The following CHCHD3 variants were observed in gnomAD, a reference collection of about 807,000 sequenced individuals.
The protein encoded by CHCHD3 is coiled-coil-helix-coiled-coil-helix domain containing 3, also known as MICOS complex subunit MIC19.
CHCHD3 carries 20 observed loss-of-function variants against 38.2 expected under a neutral mutation model. The observed-to-expected ratio is 0.52, with a 90% confidence interval of 0.37 to 0.76. The LOEUF is 0.76. CHCHD3 is among the 30% of genes least tolerant of loss of function. The pLI is 0.00. For missense variants in CHCHD3, 245 were observed against 279.2 expected (o/e 0.88, Z 0.87); for synonymous variants, 82 against 100.0 (o/e 0.82, Z 1.07).
chr7:133,049,392 A>C (rs1251314084), intron 2 of CHCHD3, among the ~76,000 whole-genome samples: 1 of 152,260 alleles, frequency 6.6e-6, no homozygotes, highest in African/African-American at 2.4e-5. Flanking sequence ...TGATGCACAT[A>C]TTTTTAGACA....
chr7:132,986,616 AGAT>A (rs768101741), intron 3 of CHCHD3, among the ~76,000 whole-genome samples: 1 of 152,194 alleles, frequency 6.6e-6, no homozygotes, highest in Non-Finnish European at 1.5e-5. Context: ...AAAAATGTCA[AGAT>A]AATAGGAGAA....
intron 2 of CHCHD3, chr7:133,034,904 G>T: frequency 6.2e-7 from 1 of 1,609,260 alleles, no homozygotes; most frequent in Non-Finnish European, 8.5e-7. Context: ...TGATGAGATT[G>T]CAGCTCATGA....
chr7:132,983,487 C>A (rs182331169), intron 3 of CHCHD3, among the ~76,000 whole-genome samples: 1 of 152,164 alleles, frequency 6.6e-6, no homozygotes, highest in Non-Finnish European at 1.5e-5. Flanking sequence ...CAGTAGGCAC[C>A]TCCTGTTGCT....
intron 6 of CHCHD3, among the ~76,000 whole-genome samples, chr7:132,819,875 C>A (rs1017999037): frequency 6.6e-6 from 1 of 152,142 alleles, no homozygotes; most frequent in African/African-American, 2.4e-5. Flanking sequence ...AGCGTGAGTG[C>A]GGAAGGCCTT....
chr7:132,968,028 C>G (rs1046341725), intron 4 of CHCHD3, among the ~76,000 whole-genome samples: 1 of 152,210 alleles, frequency 6.6e-6, no homozygotes, highest in African/African-American at 2.4e-5. Context: ...AAACACGTTT[C>G]TCCTTTTTCA....
At chr7:133,076,561 T>A (rs28695545) in intron 1 of CHCHD3, among the ~76,000 whole-genome samples, 82,086 of 152,042 alleles carry the variant, frequency 0.54, 23,034 homozygotes, top group South Asian at 0.64. Flanking sequence ...AAATTTGTGG[T>A]ACTCACCACA....
At chr7:132,993,751 G>A (rs1399824108) in intron 3 of CHCHD3, among the ~76,000 whole-genome samples, 1 of 152,160 alleles carries the variant, frequency 6.6e-6, no homozygotes, top group East Asian at 1.9e-4. Context: ...CCAGTTGACA[G>A]GGACATGAAA....
At chr7:132,875,618 T>C (rs1035877208) in intron 5 of CHCHD3, among the ~76,000 whole-genome samples, 3 of 152,216 alleles carry the variant, frequency 2.0e-5, no homozygotes, top group African/African-American at 7.2e-5. Flanking sequence ...CGCCACTGTG[T>C]CAACTGAAAG....
intron 6 of CHCHD3, among the ~76,000 whole-genome samples, chr7:132,805,460 G>A (rs1226180599): frequency 6.6e-6 from 1 of 152,086 alleles, no homozygotes; most frequent in Non-Finnish European, 1.5e-5. Context: ...GCTCAATCGA[G>A]TCTGGCATAT....
chr7:132,803,472 C>A (rs2117039585), intron 6 of CHCHD3, among the ~76,000 whole-genome samples: 1 of 152,204 alleles, frequency 6.6e-6, no homozygotes, highest in Non-Finnish European at 1.5e-5. Flanking sequence ...ATGCATCAAT[C>A]ATAGATTTTT....
chr7:132,961,610 A>C (rs1200270898), intron 4 of CHCHD3, among the ~76,000 whole-genome samples: 1 of 152,250 alleles, frequency 6.6e-6, no homozygotes, highest in African/African-American at 2.4e-5. Flanking sequence ...CACACAATGC[A>C]TGCGTGCGGT....
chr7:132,977,086 A>G (rs1349144163), intron 3 of CHCHD3, among the ~76,000 whole-genome samples: 2 of 152,252 alleles, frequency 1.3e-5, no homozygotes, highest in African/African-American at 4.8e-5. Flanking sequence ...ACCATACAAT[A>G]AATTCAGCAA....
intron 2 of CHCHD3, 78 bp downstream of exon 2, chr7:133,070,064 G>A: frequency 2.0e-6 from 2 of 989,498 alleles, no homozygotes; most frequent in Non-Finnish European, 3.1e-6. Flanking sequence ...CAGAATGCTA[G>A]AGAACTTGAC....
At chr7:133,034,832 A>C in intron 2 of CHCHD3, 1 of 1,611,020 alleles carries the variant, frequency 6.2e-7, no homozygotes, top group Non-Finnish European at 8.5e-7. Context: ...TGTTGGTTCC[A>C]AAAAGGATGA....
At chr7:132,906,006 C>T (rs1809796178) in intron 4 of CHCHD3, among the ~76,000 whole-genome samples, 1 of 152,178 alleles carries the variant, frequency 6.6e-6, no homozygotes, top group Non-Finnish European at 1.5e-5. Flanking sequence ...ATCCTTTACA[C>T]ATTTACAATA....
At chr7:133,027,690 T>G (rs915625109) in intron 2 of CHCHD3, among the ~76,000 whole-genome samples, 1 of 152,144 alleles carries the variant, frequency 6.6e-6, no homozygotes, top group Non-Finnish European at 1.5e-5. Context: ...ATAGTCTATA[T>G]AGCATGAGAA....
At chr7:132,818,675 C>T (rs1807267657) in intron 6 of CHCHD3, among the ~76,000 whole-genome samples, 2 of 151,944 alleles carry the variant, frequency 1.3e-5, no homozygotes, top group South Asian at 4.2e-4. Flanking sequence ...TCTACATGAA[C>T]AGAAGCAAAA....
intron 1 of CHCHD3, among the ~76,000 whole-genome samples, chr7:133,071,453 C>T (rs114713248): frequency 0.01 from 1,563 of 152,260 alleles, 31 homozygotes; most frequent in African/African-American, 0.036. Flanking sequence ...TTGAACTTGA[C>T]CCTGAGGGTA....
chr7:132,998,147 G>A (rs1812475520), intron 3 of CHCHD3, among the ~76,000 whole-genome samples: 2 of 152,172 alleles, frequency 1.3e-5, no homozygotes, highest in South Asian at 4.1e-4. Flanking sequence ...TAACACGTAT[G>A]TGATGCAGTC....
Sources: allele counts gnomAD v4.1 joint callset (sites outside exome capture counted in the v4.1 genomes callset), GRCh38; gene constraint gnomAD v4.1.1; transcripts MANE v1.5; gene names NCBI Gene and HGNC (gene_info 2026-07-23, HGNC 2026-07-21).